PRH1: variants seen among roughly 807,000 people sequenced by gnomAD.
The protein encoded by PRH1 is proline rich protein HaeIII subfamily 1, also known as salivary acidic proline-rich phosphoprotein 1/2.
A neutral mutation model predicts 7.9 loss-of-function variants in PRH1; 7 were observed. The observed-to-expected ratio is 0.89, with a 90% confidence interval of 0.50 to 1.67. PRH1 has a LOEUF of 1.67. Ranked by LOEUF, PRH1 falls within the 40% of genes most tolerant of loss-of-function variation. The pLI is 0.00. For synonymous variants in PRH1, 45 were observed against 80.8 expected (o/e 0.56, Z 2.38); for missense variants, 109 against 223.6 (o/e 0.49, Z 3.27).
chr12:11,091,142 A>ATATATATATATATATATT (rs1565644350), intron 1 of PRH1: 1 of 141,770 alleles, frequency 7.1e-6, no homozygotes, highest in Non-Finnish European at 1.5e-5. Context: ...ATATATATAT[A>ATATATATATATATATATT]TTTTCTAGAC....
intron 1 of PRH1, among the ~76,000 whole-genome samples, chr12:10,988,914 C>G (rs1939788051): frequency 6.6e-6 from 1 of 152,106 alleles, no homozygotes; most frequent in South Asian, 2.1e-4. Context: ...TCAAGCAATT[C>G]TCCTCCCTCA....
chr12:11,008,258 T>C (rs977915176), intron 1 of PRH1, among the ~76,000 whole-genome samples: 1 of 152,058 alleles, frequency 6.6e-6, no homozygotes, highest in African/African-American at 2.4e-5. Context: ...CTTTTCCCCT[T>C]AGTACGTAAT....
downstream of PRH1, among the ~76,000 whole-genome samples, chr12:11,119,244 T>G (rs1201083054): frequency 6.6e-6 from 1 of 151,218 alleles, no homozygotes; most frequent in Non-Finnish European, 1.5e-5. Flanking sequence ...ACATAGAGAG[T>G]ACATAGATGG....
intron 1 of PRH1, among the ~76,000 whole-genome samples, chr12:10,990,115 T>C (rs1285079467): frequency 2.0e-5 from 3 of 152,030 alleles, no homozygotes; most frequent in Non-Finnish European, 2.9e-5. Flanking sequence ...GGTACTGGCA[T>C]AAAAACAGAC....
In PRH1 at chr12:11,140,451, A is replaced by G. The variant is rs190477930; in HGVS notation, n.40-19271T>C. ...GGTCAAGATTCCCTTTAAGGTCCTG[A>G]CCTTAACTTCTATGTGTAACTGATT... On this transcript the variant is annotated intron_variant and non_coding_transcript_variant, in intron 1 of 1. Transcript: ENST00000541175. 3.9e-5 allele frequency among the ~76,000 whole-genome samples: 6 copies of G among 152,262 alleles called. No homozygotes were observed. In the East Asian group the frequency reaches 9.6e-4, roughly 24 times the overall value.
chr12:11,143,162 A>G (rs1338454814), intron 1 of PRH1, among the ~76,000 whole-genome samples: 1 of 152,206 alleles, frequency 6.6e-6, no homozygotes, highest in African/African-American at 2.4e-5. Flanking sequence ...AGACAGCACA[A>G]TGATATATAA....
At chr12:10,925,658 C>T (rs867145825) in intron 2 of PRH1, among the ~76,000 whole-genome samples, 1 of 152,302 alleles carries the variant, frequency 6.6e-6, no homozygotes, top group Middle Eastern at 3.4e-3. Context: ...TTAAAACAAA[C>T]TTATTTCCTC....
intron 1 of PRH1, chr12:10,996,861 G>A (rs1243284101): frequency 2.4e-5 from 33 of 1,373,250 alleles, no homozygotes; most frequent in East Asian, 4.7e-5. Flanking sequence ...CATAGACTAC[G>A]GAAAAACTTG....
intron 1 of PRH1, among the ~76,000 whole-genome samples, chr12:11,113,571 G>A (rs775565235): frequency 2.0e-5 from 3 of 151,986 alleles, no homozygotes; most frequent in Admixed American, 6.6e-5. Flanking sequence ...AATTCAGGGT[G>A]GATTAAAAAC....
chr12:11,156,565 A>G (rs114539083), intron 1 of PRH1, among the ~76,000 whole-genome samples: 2,329 of 152,230 alleles, frequency 0.015, 19 homozygotes, highest in South Asian at 0.031. Context: ...CACTCTGTGT[A>G]GTTATCTTCC....
intron 2 of PRH1, among the ~76,000 whole-genome samples, chr12:10,921,268 C>CT (rs1422730764): frequency 3.9e-5 from 6 of 152,090 alleles, no homozygotes; most frequent in Non-Finnish European, 8.8e-5. Context: ...CATTTTTAAA[C>CT]TTAGTAAAAG....
intron 2 of PRH1, among the ~76,000 whole-genome samples, chr12:10,923,183 T>C (rs1950076467): frequency 1.3e-5 from 2 of 150,358 alleles, no homozygotes; most frequent in African/African-American, 2.5e-5. Context: ...TGGAGTTCAA[T>C]GGTGTGATCT....
intron 1 of PRH1, among the ~76,000 whole-genome samples, chr12:11,024,425 A>G (rs530496303): frequency 6.6e-6 from 1 of 152,350 alleles, no homozygotes; most frequent in South Asian, 2.1e-4. Flanking sequence ...GATAAGCAAC[A>G]TCCCTAATTT....
chr12:11,144,376 C>G (rs36115011), intron 1 of PRH1, among the ~76,000 whole-genome samples: 69,029 of 151,696 alleles, frequency 0.46, 16,510 homozygotes, highest in Non-Finnish European at 0.53. Flanking sequence ...TGGGGGAAAG[C>G]CAACAGTCAC....
chr12:10,891,070 T>G (rs78199291), intron 2 of PRH1, among the ~76,000 whole-genome samples: 1 of 152,254 alleles, frequency 6.6e-6, no homozygotes, highest in East Asian at 1.9e-4. Context: ...TGTAGGGTCT[T>G]TGGTGTCCCT....
At chr12:11,048,630 C>CATCT (rs1291417801), upstream of PRH1, 1 of 614,900 alleles carries the variant, frequency 1.6e-6, no homozygotes, top group Non-Finnish European at 3.0e-6. Context: ...CATGGAGCTG[C>CATCT]ATCTTCTTGA....
intron 2 of PRH1, among the ~76,000 whole-genome samples, chr12:10,920,628 A>AT (rs1950033008): frequency 6.6e-6 from 1 of 152,102 alleles, no homozygotes; most frequent in South Asian, 2.1e-4. Context: ...AGCTTATCAA[A>AT]TTTGTGTTAT....
At chr12:10,911,196 G>A (rs1011727584) in intron 2 of PRH1, among the ~76,000 whole-genome samples, 3 of 152,034 alleles carry the variant, frequency 2.0e-5, no homozygotes, top group African/African-American at 4.8e-5. Context: ...TGGGGATGCC[G>A]GTCACAACTT....
At chr12:11,050,365 A>C (rs1943093675), upstream of PRH1, among the ~76,000 whole-genome samples, 1 of 152,208 alleles carries the variant, frequency 6.6e-6, no homozygotes, top group South Asian at 2.1e-4. Context: ...TATGTCCTTA[A>C]GGTGCAGATC....
Sources: allele counts gnomAD v4.1 joint callset (sites outside exome capture counted in the v4.1 genomes callset), GRCh38; gene constraint gnomAD v4.1.1; transcripts MANE v1.5; gene names NCBI Gene and HGNC (gene_info 2026-07-23, HGNC 2026-07-21).